Variants in UNC5D observed in about 807,000 individuals in gnomAD.
UNC5D encodes unc-5 netrin receptor D, also known as netrin receptor UNC5D.
A neutral mutation model predicts 105.4 loss-of-function variants in UNC5D; 39 were observed. The ratio of observed to expected loss-of-function variants is 0.37; its 90% CI spans 0.29 to 0.48. The LOEUF (loss-of-function observed/expected upper bound fraction) is 0.48, where lower values mean the gene tolerates loss of function less well. UNC5D is among the 20% of genes least tolerant of loss of function. The pLI, the probability that UNC5D is intolerant of heterozygous loss-of-function variation, is 0.98. For synonymous variants in UNC5D, 452 were observed against 450.4 expected (o/e 1.00, Z -0.04); for missense variants, 991 against 1,202.4 (o/e 0.82, Z 2.60).
intron 15 of UNC5D, among the ~76,000 whole-genome samples, chr8:35,768,668 G>A (rs1346499589): frequency 2.6e-5 from 4 of 152,098 alleles, no homozygotes; most frequent in African/African-American, 9.7e-5. Context: ...AATGTGATAG[G>A]TATTTTTGCT....
At chr8:35,632,377 A>G (rs1239703165) in intron 4 of UNC5D, among the ~76,000 whole-genome samples, 1 of 152,182 alleles carries the variant, frequency 6.6e-6, no homozygotes. Flanking sequence ...GTCCTGTGGG[A>G]TGAAATGGAA....
At chr8:35,500,721 G>C (rs1055957173) in intron 1 of UNC5D, among the ~76,000 whole-genome samples, 2 of 152,162 alleles carry the variant, frequency 1.3e-5, no homozygotes, top group African/African-American at 4.8e-5. Flanking sequence ...ATTTAGCACA[G>C]AGCCTTGTAT....
intron 10 of UNC5D, among the ~76,000 whole-genome samples, chr8:35,729,553 G>A (rs750170664): frequency 2.0e-5 from 3 of 152,192 alleles, no homozygotes; most frequent in Middle Eastern, 3.2e-3. Context: ...CAGAGAGGAA[G>A]TTTTAGGTCA....
At chr8:35,705,609 G>T (rs1049133980) in intron 7 of UNC5D, among the ~76,000 whole-genome samples, 8 of 152,152 alleles carry the variant, frequency 5.3e-5, no homozygotes, top group Non-Finnish European at 1.2e-4. Context: ...GTATATAATA[G>T]AGTGACAGGC....
chr8:35,750,858 T>C (rs1430534739), intron 13 of UNC5D, 49 bp downstream of exon 13: 4 of 1,605,648 alleles, frequency 2.5e-6, no homozygotes, highest in Non-Finnish European at 3.4e-6. Flanking sequence ...AAAGTGTGTG[T>C]TTTCCAAAAG....
intron 4 of UNC5D, among the ~76,000 whole-genome samples, chr8:35,666,114 T>A (rs1451578217): frequency 3.3e-5 from 5 of 152,106 alleles, no homozygotes; most frequent in African/African-American, 1.2e-4. Flanking sequence ...TATGACCACT[T>A]CCTGTTTCAA....
intron 1 of UNC5D, among the ~76,000 whole-genome samples, chr8:35,427,740 C>A (rs567990875): frequency 1.3e-5 from 2 of 152,262 alleles, no homozygotes; most frequent in Non-Finnish European, 2.9e-5. Flanking sequence ...AATAATTTAT[C>A]CTTGGTTCTC....
intron 4 of UNC5D, among the ~76,000 whole-genome samples, chr8:35,624,116 G>C (rs893751160): frequency 1.3e-5 from 2 of 152,066 alleles, no homozygotes; most frequent in African/African-American, 4.8e-5. Context: ...TATTTTTCCT[G>C]TTTCTCTACA....
At chr8:35,326,297 G>A (rs921775099) in intron 1 of UNC5D, among the ~76,000 whole-genome samples, 8 of 152,270 alleles carry the variant, frequency 5.3e-5, no homozygotes, top group Admixed American at 1.3e-4. Flanking sequence ...GTGCAGTAGC[G>A]TCAGAAGCTG....
intron 1 of UNC5D, among the ~76,000 whole-genome samples, chr8:35,237,129 T>C (rs1479405494): frequency 3.3e-5 from 5 of 150,944 alleles, no homozygotes; most frequent in Non-Finnish European, 7.4e-5. Flanking sequence ...ATAGAGGCTC[T>C]CCATTGTATG....
intron 1 of UNC5D, among the ~76,000 whole-genome samples, chr8:35,430,938 C>T (rs1383594114): frequency 1.3e-5 from 2 of 152,160 alleles, no homozygotes; most frequent in East Asian, 3.9e-4. Context: ...TACTTAAGTG[C>T]TGTCGTAGAA....
intron 1 of UNC5D, among the ~76,000 whole-genome samples, chr8:35,286,868 G>T (rs956835973): frequency 7.9e-5 from 12 of 152,132 alleles, no homozygotes; most frequent in African/African-American, 2.2e-4. Context: ...TCATACAGCC[G>T]TGCCCAACTA....
intron 1 of UNC5D, among the ~76,000 whole-genome samples, chr8:35,289,465 A>G (rs1414891787): frequency 1.3e-5 from 2 of 152,210 alleles, no homozygotes; most frequent in Non-Finnish European, 2.9e-5. Context: ...GATGGAAAAG[A>G]AACACTGGAA....
chr8:35,592,651 A>T (rs1819240925), intron 3 of UNC5D, among the ~76,000 whole-genome samples: 1 of 152,170 alleles, frequency 6.6e-6, no homozygotes. Flanking sequence ...CTTAGTAGTC[A>T]GTGTCCTGGC....
At chr8:35,275,742 TCTC>T (rs1805730680) in intron 1 of UNC5D, among the ~76,000 whole-genome samples, 1 of 152,230 alleles carries the variant, frequency 6.6e-6, no homozygotes, top group Non-Finnish European at 1.5e-5. Context: ...GTCAAGTTTA[TCTC>T]CTGGGGCTTG....
intron 1 of UNC5D, among the ~76,000 whole-genome samples, chr8:35,315,714 A>G (rs1809249406): frequency 6.6e-6 from 1 of 152,188 alleles, no homozygotes; most frequent in Admixed American, 6.5e-5. Flanking sequence ...AATGAGGCAC[A>G]TGTTATTGTT....
chr8:35,453,669 A>C (rs908503509), intron 1 of UNC5D, among the ~76,000 whole-genome samples: 3 of 152,098 alleles, frequency 2.0e-5, no homozygotes, highest in African/African-American at 7.2e-5. Context: ...TGTTTGGCCT[A>C]GTTCTTTTTT....
chr8:35,415,027 T>A (rs1270532120), intron 1 of UNC5D, among the ~76,000 whole-genome samples: 1 of 152,086 alleles, frequency 6.6e-6, no homozygotes, highest in Non-Finnish European at 1.5e-5. Context: ...TGGGTAGACC[T>A]CACCTTAGGT....
chr8:35,505,240 A>T (rs1219407883), intron 1 of UNC5D, among the ~76,000 whole-genome samples: 2 of 152,260 alleles, frequency 1.3e-5, no homozygotes, highest in Non-Finnish European at 2.9e-5. Context: ...ACATTTTTAT[A>T]ATTTTGGGAT....
Sources: gnomAD v4.1 joint callset for allele counts (sites outside exome capture counted in the v4.1 genomes callset) on GRCh38, gnomAD v4.1.1 for gene constraint, MANE v1.5 for transcripts, NCBI Gene and HGNC (gene_info 2026-07-23, HGNC 2026-07-21) for gene names.